HHAT: variants seen among roughly 807,000 people sequenced by gnomAD.
HHAT encodes the protein hedgehog acyltransferase, also known as protein-cysteine N-palmitoyltransferase HHAT.
HHAT carries 47 observed loss-of-function variants against 70.8 expected under a neutral mutation model. The ratio of observed to expected loss-of-function variants is 0.66; its 90% CI spans 0.53 to 0.85. The LOEUF is 0.85. Ranked by LOEUF, HHAT falls within the 40% of genes least tolerant of loss-of-function variation. The pLI is 0.00. For missense variants in HHAT, 609 were observed against 604.8 expected (o/e 1.01, Z -0.07); for synonymous variants, 228 against 247.6 (o/e 0.92, Z 0.74).
At position 210,430,697 on chromosome 1, in the gene HHAT, G is replaced by T. The variant is rs140386134; in HGVS notation, c.856+12372G>T. Among the ~76,000 whole-genome samples, 331 of 151,896 alleles carry T rather than the reference G, an allele frequency of 2.2e-3. 7 individuals are homozygous for T. The highest frequency in any genetic ancestry group is 7.6e-3 in the African/African-American group (315 of 41,228). On this transcript the variant is annotated intron_variant, in intron 7 of 11. Transcript: ENST00000261458. ...AGTTCTTTTTTCTCTTAGGGTGGAGGTATACTGAGTGCTCTGTATTCAAAA... is the reference window on the plus strand; with the variant it reads ...AGTTCTTTTTTCTCTTAGGGTGGAGTTATACTGAGTGCTCTGTATTCAAAA...
chr1:210,629,693 T>C (rs1014971151), intron 11 of HHAT, among the ~76,000 whole-genome samples: 1 of 152,190 alleles, frequency 6.6e-6, no homozygotes, highest in Non-Finnish European at 1.5e-5. Flanking sequence ...AGAGACGGGT[T>C]TCTTTTGGCT....
chr1:210,473,914 C>T lies in HHAT; in HGVS notation c.1007+9259C>T, dbSNP rs568008509. Among the ~76,000 whole-genome samples, 6 of 152,322 alleles carry T rather than the reference C, an allele frequency of 3.9e-5. No individual in the cohort carries two copies. The South Asian group carries it at 1.2e-3, about 32-fold the overall frequency. ...AAAGTCGTGTTGCTTTTTGCCCCACCTCAGTTCTGAGGACTGAGTGCAACC... is the reference window on the plus strand; with the variant it reads ...AAAGTCGTGTTGCTTTTTGCCCCACTTCAGTTCTGAGGACTGAGTGCAACC... On this transcript the variant is annotated intron_variant, in intron 8 of 11. Coordinates refer to ENST00000261458, the MANE Select transcript of HHAT (RefSeq NM_018194.6).
chr1:210,616,127 C>T (rs1429726941), intron 10 of HHAT, among the ~76,000 whole-genome samples: 1 of 152,112 alleles, frequency 6.6e-6, no homozygotes, highest in African/African-American at 2.4e-5. Context: ...AATGTGTATA[C>T]CTGTGGAATG....
At chr1:210,514,957 A>C (rs1023225038) in intron 9 of HHAT, among the ~76,000 whole-genome samples, 1 of 152,022 alleles carries the variant, frequency 6.6e-6, no homozygotes, top group Non-Finnish European at 1.5e-5. Context: ...TTGGGTCTGG[A>C]GGAAGGAGAG....
intron 9 of HHAT, among the ~76,000 whole-genome samples, chr1:210,585,197 T>C (rs1660169300): frequency 6.7e-6 from 1 of 149,428 alleles, no homozygotes; most frequent in Non-Finnish European, 1.5e-5. Flanking sequence ...TTCCCAGCTG[T>C]GTACCTTGGG....
At chr1:210,361,943 G>C (rs868663510) in intron 2 of HHAT, among the ~76,000 whole-genome samples, 1 of 152,092 alleles carries the variant, frequency 6.6e-6, no homozygotes, top group Middle Eastern at 3.2e-3. Flanking sequence ...CACTATCATA[G>C]TTTCTTATTC....
intron 9 of HHAT, among the ~76,000 whole-genome samples, chr1:210,518,869 G>C (rs1420878297): frequency 1.3e-5 from 2 of 152,200 alleles, no homozygotes; most frequent in Non-Finnish European, 2.9e-5. Flanking sequence ...CGTATGTCCA[G>C]AGAACAAATA....
At chr1:210,534,395 T>A (rs997618995) in intron 9 of HHAT, among the ~76,000 whole-genome samples, 5 of 152,180 alleles carry the variant, frequency 3.3e-5, no homozygotes, top group African/African-American at 1.2e-4. Flanking sequence ...TTCCATAGGG[T>A]TTTGTTACAT....
In HHAT at chr1:210,525,803, A is replaced by C. The variant is rs185728686; in HGVS notation, c.1043+12615A>C. Among the ~76,000 whole-genome samples the C allele has an allele frequency of 3.9e-3, 600 of 152,352 alleles. 2 individuals are homozygous for C. The highest frequency in any genetic ancestry group is 0.034 in the Middle Eastern group (10 of 294). On this transcript the variant is annotated intron_variant, in intron 9 of 11. Transcript: ENST00000261458. Reference sequence around the variant, plus strand: ...CTCAGGATATTTGCAATGTAGAGACATAGTTTTAAATGTAAAAAGCTCTGA... The same window carrying C: ...CTCAGGATATTTGCAATGTAGAGACCTAGTTTTAAATGTAAAAAGCTCTGA...
At chr1:210,655,043 GCAT>G (rs1466186930) in intron 11 of HHAT, among the ~76,000 whole-genome samples, 4 of 152,192 alleles carry the variant, frequency 2.6e-5, no homozygotes, top group African/African-American at 9.7e-5. Flanking sequence ...AACCAAAGAA[GCAT>G]CTGGAAACTC....
intron 1 of HHAT, among the ~76,000 whole-genome samples, chr1:210,343,002 G>C (rs969579310): frequency 6.6e-6 from 1 of 152,080 alleles, no homozygotes; most frequent in Non-Finnish European, 1.5e-5. Context: ...AAAGAATGAG[G>C]GTCGTGATCA....
intron 8 of HHAT, among the ~76,000 whole-genome samples, chr1:210,486,131 G>T (rs942585386): frequency 6.6e-6 from 1 of 152,102 alleles, no homozygotes; most frequent in Non-Finnish European, 1.5e-5. Flanking sequence ...GTAGCAAAAT[G>T]GGCACTTTTC....
chr1:210,533,898 G>A (rs930748221), intron 9 of HHAT, among the ~76,000 whole-genome samples: 5 of 152,146 alleles, frequency 3.3e-5, no homozygotes, highest in African/African-American at 4.8e-5. Context: ...AAAAAGGCCC[G>A]GCTTGAATGA....
intron 9 of HHAT, among the ~76,000 whole-genome samples, chr1:210,567,110 G>A (rs1253704809): frequency 1.3e-5 from 2 of 152,200 alleles, no homozygotes; most frequent in African/African-American, 2.4e-5. Flanking sequence ...AACAGAGGAT[G>A]CACATCCCTG....
chr1:210,657,886 A>G (rs1208456207), intron 11 of HHAT, among the ~76,000 whole-genome samples: 3 of 152,168 alleles, frequency 2.0e-5, no homozygotes, highest in African/African-American at 4.8e-5. Flanking sequence ...ACTTCCGTCA[A>G]TTGACTATGT....
chr1:210,639,236 A>G (rs1396499643), intron 11 of HHAT, among the ~76,000 whole-genome samples: 1 of 151,974 alleles, frequency 6.6e-6, no homozygotes, highest in African/African-American at 2.4e-5. Flanking sequence ...ATCCCATGCC[A>G]TTTTGCCTTC....
intron 11 of HHAT, among the ~76,000 whole-genome samples, chr1:210,653,785 A>G (rs1675690605): frequency 7.0e-6 from 1 of 142,282 alleles, no homozygotes; most frequent in South Asian, 2.2e-4. Flanking sequence ...GCTGGAGGCC[A>G]GAGCAGCTGA....
chr1:210,464,060 T>C (rs1168118583), intron 7 of HHAT, among the ~76,000 whole-genome samples: 1 of 152,226 alleles, frequency 6.6e-6, no homozygotes, highest in Non-Finnish European at 1.5e-5. Flanking sequence ...ATAACCCAAT[T>C]GTATTCTTCT....
intron 11 of HHAT, among the ~76,000 whole-genome samples, chr1:210,639,325 G>A (rs1257966801): frequency 2.6e-5 from 4 of 152,192 alleles, no homozygotes; most frequent in Non-Finnish European, 1.5e-5. Flanking sequence ...CTAAAGTTTA[G>A]TCTGTACTAG....
Sources: allele counts gnomAD v4.1 joint callset (sites outside exome capture counted in the v4.1 genomes callset), GRCh38; gene constraint gnomAD v4.1.1; transcripts MANE v1.5; gene names NCBI Gene and HGNC (gene_info 2026-07-23, HGNC 2026-07-21).